EPM2A: variants seen among roughly 807,000 people sequenced by gnomAD.
EPM2A encodes EPM2A glucan phosphatase, laforin.
In EPM2A, 21 loss-of-function variants were observed where a neutral mutation model predicts 26.5. The ratio of observed to expected loss-of-function variants is 0.79; its 90% CI spans 0.56 to 1.14. The LOEUF (loss-of-function observed/expected upper bound fraction) is 1.14. Ranked by LOEUF, EPM2A falls within the 50% of genes most tolerant of loss-of-function variation. The probability of loss-of-function intolerance (pLI) is 0.00; values close to 1 mark genes in which losing one functional copy is unlikely to be tolerated. For missense variants in EPM2A, 458 were observed against 440.8 expected, an observed-to-expected ratio of 1.04 and a Z score of -0.35; for synonymous variants, 217 against 177.6, an observed-to-expected ratio of 1.22 and a Z score of -1.76.
intron 2 of EPM2A, among the ~76,000 whole-genome samples, chr6:145,617,409 T>C (rs11155435): frequency 0.35 from 53,515 of 152,030 alleles, 10,029 homozygotes; most frequent in South Asian, 0.51. Flanking sequence ...CACAGACTAA[T>C]ACAAAGAGGA....
At chr6:145,727,151 A>T (rs1212014077) in intron 1 of EPM2A, among the ~76,000 whole-genome samples, 3 of 152,180 alleles carry the variant, frequency 2.0e-5, no homozygotes, top group Non-Finnish European at 4.4e-5. Context: ...TACTATCAAT[A>T]ACTGTTAGAA....
chr6:145,710,460 G>C (rs1583100987), intron 1 of EPM2A, among the ~76,000 whole-genome samples: 1 of 152,158 alleles, frequency 6.6e-6, no homozygotes, highest in African/African-American at 2.4e-5. Context: ...TCATTAAAAA[G>C]TCAGGAAACA....
Position 145,433,361 on chromosome 6 carries a change from A to G in EPM2A, c.556-49264T>C, listed in dbSNP as rs754235673. Among the ~76,000 whole-genome samples, 37 of 152,144 alleles carry G rather than the reference A, an allele frequency of 2.4e-4. 1 individual carries two copies. The highest frequency in any genetic ancestry group is 5.9e-5 in the Non-Finnish European group (4 of 68,022). On this transcript the variant is annotated intron_variant, in intron 4 of 4. Coordinates refer to the EPM2A transcript ENST00000638717. ...GCTTAGTCTATTTATATATAATGTA[A>G]TTGTGATGTTTGGGGATTTAAATCT...
intron 4 of EPM2A, among the ~76,000 whole-genome samples, chr6:145,472,608 A>G (rs2114726476): frequency 6.6e-6 from 1 of 152,228 alleles, no homozygotes; most frequent in South Asian, 2.1e-4. Context: ...CCTCAAGGGA[A>G]CATCAGAGGA....
intron 1 of EPM2A, among the ~76,000 whole-genome samples, chr6:145,716,726 C>T (rs1775649187): frequency 6.6e-6 from 1 of 152,056 alleles, no homozygotes; most frequent in South Asian, 2.1e-4. Context: ...CAGGGAGCCC[C>T]ACCACAAAAA....
At chr6:145,538,388 G>T (rs963013564) in intron 2 of EPM2A, among the ~76,000 whole-genome samples, 10 of 152,246 alleles carry the variant, frequency 6.6e-5, no homozygotes, top group Middle Eastern at 3.4e-3. Flanking sequence ...AATAGATTTT[G>T]GATTTGTTTG....
chr6:145,458,976 T>G (rs2114715017), intron 4 of EPM2A, among the ~76,000 whole-genome samples: 1 of 152,298 alleles, frequency 6.6e-6, no homozygotes, highest in South Asian at 2.1e-4. Context: ...CAGTCACCTA[T>G]GTACATTGTA....
chr6:145,470,846 TA>T (rs1779464269), intron 4 of EPM2A, among the ~76,000 whole-genome samples: 1 of 152,194 alleles, frequency 6.6e-6, no homozygotes, highest in African/African-American at 2.4e-5. Context: ...ATTCATAAAA[TA>T]ATACTATATA....
chr6:145,470,025 A>G (rs566809357), intron 4 of EPM2A, among the ~76,000 whole-genome samples: 1 of 152,180 alleles, frequency 6.6e-6, no homozygotes, highest in East Asian at 1.9e-4. Context: ...GAGGCTGGGA[A>G]GGGTAGTGGT....
chr6:145,434,668 G>A (rs957018810), intron 4 of EPM2A, among the ~76,000 whole-genome samples: 3 of 152,070 alleles, frequency 2.0e-5, no homozygotes, highest in African/African-American at 7.2e-5. Flanking sequence ...TGACAAATCA[G>A]TGGTTGTTAG....
At chr6:145,688,200 G>A (rs1328063463) in intron 1 of EPM2A, among the ~76,000 whole-genome samples, 1 of 152,030 alleles carries the variant, frequency 6.6e-6, no homozygotes, top group African/African-American at 2.4e-5. Flanking sequence ...ATACCTCTCT[G>A]GCTACAGAGT....
At chr6:145,621,213 C>T (rs187151190), downstream of EPM2A, among the ~76,000 whole-genome samples, 18 of 152,280 alleles carry the variant, frequency 1.2e-4, no homozygotes, top group East Asian at 3.3e-3. Flanking sequence ...CTGTGCCTGG[C>T]TTATTTTACT....
intron 1 of EPM2A, among the ~76,000 whole-genome samples, chr6:145,734,054 TA>T (rs58953689): frequency 1.9e-4 from 29 of 151,874 alleles, no homozygotes; most frequent in African/African-American, 5.8e-4. Flanking sequence ...AATGAAGTGT[TA>T]AAAAAAATGA....
intron 4 of EPM2A, among the ~76,000 whole-genome samples, chr6:145,424,131 C>A (rs1300449895): frequency 6.6e-6 from 1 of 152,208 alleles, no homozygotes; most frequent in Admixed American, 6.5e-5. Context: ...CTCGACCAGT[C>A]CGACCACACT....
intron 4 of EPM2A, among the ~76,000 whole-genome samples, chr6:145,400,143 T>C (rs1474304821): frequency 1.3e-5 from 2 of 152,188 alleles, no homozygotes; most frequent in Non-Finnish European, 2.9e-5. Flanking sequence ...CACAGATGGA[T>C]TGGGTAATCC....
chr6:145,384,412 G>T (rs1460439664), intron 4 of EPM2A, among the ~76,000 whole-genome samples: 2 of 122,528 alleles, frequency 1.6e-5, no homozygotes, highest in African/African-American at 6.2e-5. Context: ...CAACACCTGT[G>T]GGGGCATGGA....
At chr6:145,550,737 C>T (rs1389701177) in intron 2 of EPM2A, among the ~76,000 whole-genome samples, 3 of 152,056 alleles carry the variant, frequency 2.0e-5, no homozygotes, top group Non-Finnish European at 4.4e-5. Flanking sequence ...TGATCTACTT[C>T]CACTTTATGA....
intron 2 of EPM2A, among the ~76,000 whole-genome samples, chr6:145,576,561 C>A (rs1480734711): frequency 6.6e-6 from 1 of 152,122 alleles, no homozygotes; most frequent in African/African-American, 2.4e-5. Flanking sequence ...AGTTTTATTT[C>A]AAACATGAAG....
intron 1 of EPM2A, among the ~76,000 whole-genome samples, chr6:145,703,443 G>C (rs140651324): frequency 1.3e-5 from 2 of 152,098 alleles, no homozygotes; most frequent in Non-Finnish European, 2.9e-5. Context: ...AAACAGCAAA[G>C]ATTTGGCACA....
Sources: allele counts gnomAD v4.1 joint callset (sites outside exome capture counted in the v4.1 genomes callset), GRCh38; gene constraint gnomAD v4.1.1; transcripts MANE v1.5; gene names NCBI Gene and HGNC (gene_info 2026-07-23, HGNC 2026-07-21).